The following SDC3 variants were observed in gnomAD, a reference collection of about 807,000 sequenced individuals.
SDC3 encodes syndecan 3.
SDC3 carries 13 observed loss-of-function variants against 24.4 expected under a neutral mutation model. The ratio of observed to expected loss-of-function variants is 0.53; its 90% CI spans 0.35 to 0.85. The LOEUF (loss-of-function observed/expected upper bound fraction) is 0.85. Among genes scored for constraint, SDC3 ranks in the 40% least tolerant of loss-of-function variants. The pLI is 0.01. For synonymous variants in SDC3, 295 were observed against 260.9 expected, an observed-to-expected ratio of 1.13 and a Z score of -1.26; for missense variants, 571 against 584.5, an observed-to-expected ratio of 0.98 and a Z score of 0.24.
In SDC3 at chr1:30,869,719, C is replaced by G; in HGVS notation, c.*3492G>C. The G allele has an allele frequency of 2.5e-6, 1 of 398,544 alleles. No homozygotes were observed. The allele number at this position is 398,544 out of a possible 1,614,324, so 24.7% of individuals were successfully genotyped here. ...ACAGGTATGGTTAATAAACAGGTTACAGGGGAGAGAAGGGGCAGGGAAGGC... is the reference window on the plus strand; with the variant it reads ...ACAGGTATGGTTAATAAACAGGTTAGAGGGGAGAGAAGGGGCAGGGAAGGC... On this transcript the variant is annotated 3_prime_UTR_variant, in exon 5 of 5. Transcript: ENST00000339394.
chr1:30,896,524 G>A (rs1162169748), intron 1 of SDC3, among the ~76,000 whole-genome samples: 2 of 152,182 alleles, frequency 1.3e-5, no homozygotes, highest in Non-Finnish European at 1.5e-5. Context: ...CAGAGGAGGA[G>A]ACATCTGTGC....
intron 1 of SDC3, among the ~76,000 whole-genome samples, chr1:30,907,203 A>C (rs984858068): frequency 2.0e-5 from 3 of 152,188 alleles, no homozygotes; most frequent in African/African-American, 7.2e-5. Context: ...TCCTGGAACC[A>C]ACCTGGGAGG....
chr1:30,874,639 C>T (rs151030957), intron 3 of SDC3, 51 bp from the exon 4 acceptor site: 426 of 1,547,654 alleles, frequency 2.8e-4, no homozygotes, highest in Non-Finnish European at 3.4e-4. Context: ...CATGCATAAC[C>T]CCCCACCACC....
At chr1:30,898,485 C>T (rs964248005) in intron 1 of SDC3, among the ~76,000 whole-genome samples, 4 of 152,172 alleles carry the variant, frequency 2.6e-5, no homozygotes, top group Non-Finnish European at 5.9e-5. Context: ...TAAACAGTAG[C>T]ACAGTGGGGA....
intron 1 of SDC3, among the ~76,000 whole-genome samples, chr1:30,906,674 G>T (rs1317808200): frequency 6.6e-6 from 1 of 152,084 alleles, no homozygotes; most frequent in African/African-American, 2.4e-5. Flanking sequence ...CTGAGGAAGG[G>T]GTCATTAGCC....
Position 30,908,586 on chromosome 1 carries a change from T to TGGC in SDC3, c.-3_-1dup. The TGGC allele has an allele frequency of 1.0e-6, 1 of 971,996 alleles. No homozygotes were observed. 60.2% of individuals were successfully genotyped at this position (971,996 alleles called of 1,614,324 possible). A position where few individuals can be genotyped will look rare whatever the true frequency, so the allele number is the denominator to read the frequency against. The stretch of plus-strand genomic sequence containing the variant: ...GCACGGTGCGGCGGCCCCGGCTTCA[T>TGGC]GGCGGCGGCGCGGGCGCGGGCGGCG... On this transcript the variant is annotated 5_prime_UTR_variant, in exon 1 of 5. Coordinates refer to ENST00000339394, the MANE Select transcript of SDC3 (RefSeq NM_014654.4).
chr1:30,870,191 G>A lies in SDC3; in HGVS notation c.*3020C>T. On this transcript the variant is annotated 3_prime_UTR_variant, in exon 5 of 5. Coordinates refer to ENST00000339394, the MANE Select transcript of SDC3 (RefSeq NM_014654.4). ...GCTTTGCCAACCCCAGGGGGGTTTG[G>A]CCCACACACCCTAAGCCCTGCCCAG... The A allele has an allele frequency of 6.1e-6, 2 of 329,010 alleles. No individual in the cohort carries two copies. Among genetic ancestry groups the A allele is most frequent in the African/African-American group, 2.1e-5 (1 of 47,226 alleles). The allele number at this position is 329,010 out of a possible 1,614,324, so 20.4% of individuals were successfully genotyped here.
intron 1 of SDC3, among the ~76,000 whole-genome samples, chr1:30,899,906 A>G (rs1638378021): frequency 6.6e-6 from 1 of 152,228 alleles, no homozygotes; most frequent in Non-Finnish European, 1.5e-5. Context: ...GGTGCTTAGT[A>G]AATGTCTGCT....
intron 3 of SDC3, among the ~76,000 whole-genome samples, chr1:30,875,750 C>T (rs962664037): frequency 1.1e-4 from 17 of 152,178 alleles, no homozygotes; most frequent in Admixed American, 8.5e-4. Flanking sequence ...CGAGACTGCC[C>T]GGCTCTGGCA....
intron 1 of SDC3, among the ~76,000 whole-genome samples, chr1:30,900,835 G>A (rs757174171): frequency 1.4e-4 from 21 of 152,028 alleles, no homozygotes; most frequent in Admixed American, 5.2e-4. Context: ...GGATGGGGGG[G>A]TCCTAGCTGG....
rs553945249 is a variant in SDC3, at chr1:30,895,186, C to A, written c.138+13263G>T. Among the ~76,000 whole-genome samples, 8 of 152,252 alleles carry A rather than the reference C, an allele frequency of 5.3e-5. No individual in the cohort carries two copies. The East Asian group carries it at 5.8e-4, about 11-fold the overall frequency. On this transcript the variant is annotated intron_variant, in intron 1 of 4. Coordinates refer to ENST00000339394, the MANE Select transcript of SDC3 (RefSeq NM_014654.4). Reference sequence around the variant, plus strand: ...ACTTTTTCCTACAAAGACACCAGGGCCCCATGCATCAGCACAGACACACAA... The same window carrying A: ...ACTTTTTCCTACAAAGACACCAGGGACCCATGCATCAGCACAGACACACAA...
rs759203391 is a variant in SDC3, at chr1:30,874,545, G to T, written c.914C>A (p.Pro305Gln). Reference sequence around the variant, plus strand: ...GGGCCCCCCACTCACCGGAACCTCTGGCTCATCCCGGATTGTGGTCAGGAA... The same window carrying T: ...GGGCCCCCCACTCACCGGAACCTCTTGCTCATCCCGGATTGTGGTCAGGAA... ...ETFLTTIRDE[P>Q]EVPVSGGPSG... The change falls in exon 4 of 5, where the codon CCA (proline) becomes CAA (glutamine). Residue 305 changes from proline (P) to glutamine (Q), a missense_variant. By Grantham distance (76) the Pro-to-Gln change is moderately conservative. Transcript: ENST00000339394. 1 of 1,614,130 alleles carries T rather than the reference G, an allele frequency of 6.2e-7. No homozygotes were observed. The highest frequency in any genetic ancestry group is 8.5e-7 in the Non-Finnish European group (1 of 1,180,012).
At chr1:30,878,915 G>A in intron 1 of SDC3, 175 bp from the exon 2 acceptor site, 1 of 580,510 alleles carries the variant, frequency 1.7e-6, no homozygotes. Context: ...CAGGGGTGGG[G>A]TGTGGCAAGT....
chr1:30,881,317 A>G (rs16834123), intron 1 of SDC3: 14,860 of 153,908 alleles, frequency 0.097, 1,790 homozygotes, highest in East Asian at 0.53. Flanking sequence ...TGCCCCCGAG[A>G]AACCTCAGCA....
At chr1:30,904,197 C>G (rs951503825) in intron 1 of SDC3, among the ~76,000 whole-genome samples, 1 of 152,104 alleles carries the variant, frequency 6.6e-6, no homozygotes, top group African/African-American at 2.4e-5. Context: ...CACACTCCAG[C>G]CTTGGCGATA....
At chr1:30,893,594 G>A (rs1217143759) in intron 1 of SDC3, among the ~76,000 whole-genome samples, 1 of 151,858 alleles carries the variant, frequency 6.6e-6, no homozygotes, top group Non-Finnish European at 1.5e-5. Context: ...CCTGCTCAGG[G>A]CCCCAACTTC....
At chr1:30,904,509 C>CT (rs1008875626) in intron 1 of SDC3, among the ~76,000 whole-genome samples, 1 of 151,880 alleles carries the variant, frequency 6.6e-6, no homozygotes, top group Non-Finnish European at 1.5e-5. Flanking sequence ...TTTTCTTTCA[C>CT]TTTTTTTTCC....
At chr1:30,907,805 A>C (rs1255079416) in intron 1 of SDC3, among the ~76,000 whole-genome samples, 1 of 151,882 alleles carries the variant, frequency 6.6e-6, no homozygotes, top group Non-Finnish European at 1.5e-5. Context: ...GGTCACCTTC[A>C]CCAAGTCACC....
chr1:30,897,520 C>G (rs1638297520), intron 1 of SDC3, among the ~76,000 whole-genome samples: 1 of 152,200 alleles, frequency 6.6e-6, no homozygotes, highest in Non-Finnish European at 1.5e-5. Flanking sequence ...GAGAACAGAT[C>G]CATGTGGAAG....
Sources: allele counts gnomAD v4.1 joint callset (sites outside exome capture counted in the v4.1 genomes callset), GRCh38; gene constraint gnomAD v4.1.1; transcripts MANE v1.5; gene names NCBI Gene and HGNC (gene_info 2026-07-23, HGNC 2026-07-21).